NBEA: variants seen among roughly 807,000 people sequenced by gnomAD.
The protein encoded by NBEA is lysosomal-trafficking regulator 2.
Under a neutral mutation model 343.4 loss-of-function variants are expected in NBEA, and 44 were observed. The observed-to-expected ratio is 0.13, with a 90% CI of 0.10 to 0.16. The LOEUF is 0.16. Ranked by LOEUF, NBEA falls within the 10% of genes least tolerant of loss-of-function variation. The pLI, the probability that NBEA is intolerant of heterozygous loss-of-function variation, is 1.00. For missense variants in NBEA, 2,555 were observed against 3,631.3 expected, an observed-to-expected ratio of 0.70 and a Z score of 7.62; for synonymous variants, 1,175 against 1,238.7, an observed-to-expected ratio of 0.95 and a Z score of 1.08.
At chr13:35,410,543 T>C (rs566103498) in intron 38 of NBEA, among the ~76,000 whole-genome samples, 21 of 152,154 alleles carry the variant, frequency 1.4e-4, no homozygotes, top group African/African-American at 5.1e-4. Context: ...TTCAAAAGGT[T>C]CACAGAAAAA....
rs554482250 is a variant in NBEA, at chr13:35,155,785, A to G, written c.2457A>G (p.Glu819=). 2.5e-6 allele frequency: 4 copies of G among 1,608,272 alleles called. No individual in the cohort carries two copies. In the South Asian group the frequency reaches 3.3e-5, roughly 13 times the overall value. Residue 819 remains glutamate, a synonymous_variant, in exon 19 of 59, where the codon GAA becomes GAG. Coordinates refer to ENST00000379939, the MANE Select transcript of NBEA (RefSeq NM_001385012.1). The part of the protein sequence containing the change: ...TYNTLYEILT[E]QVCTQVVHKP... Reference sequence around the variant, plus strand: ...TCTTCATTTTTCAGATCTTGACAGAACAAGTATGTACTCAGGTCGTACACA... The same window carrying G: ...TCTTCATTTTTCAGATCTTGACAGAGCAAGTATGTACTCAGGTCGTACACA...
chr13:35,646,144 A>C (rs3818423), intron 50 of NBEA, 115 bp from the exon 51 acceptor site: 177,535 of 850,536 alleles, frequency 0.21, 19,618 homozygotes, highest in South Asian at 0.28. Flanking sequence ...CACCCGTTGA[A>C]TTTTCTGGAC....
chr13:35,595,998 G>A (rs1257216746), intron 47 of NBEA, among the ~76,000 whole-genome samples: 1 of 151,838 alleles, frequency 6.6e-6, no homozygotes, highest in Non-Finnish European at 1.5e-5. Flanking sequence ...TTACTGATTT[G>A]AAAAAGATCT....
chr13:35,256,690 G>T (rs1325903360), intron 34 of NBEA, among the ~76,000 whole-genome samples: 2 of 152,202 alleles, frequency 1.3e-5, no homozygotes, highest in Admixed American at 6.5e-5. Context: ...TCTGGAGGGG[G>T]CCAAGGTGAT....
At chr13:35,612,172 G>A (rs111345600) in intron 48 of NBEA, among the ~76,000 whole-genome samples, 10,409 of 149,772 alleles carry the variant, frequency 0.069, 413 homozygotes, top group African/African-American at 0.094. Flanking sequence ...TCGCTCTGTC[G>A]CCCAGGCTGG....
intron 1 of NBEA, among the ~76,000 whole-genome samples, chr13:34,982,015 A>G (rs939315540): frequency 1.3e-5 from 2 of 151,502 alleles, no homozygotes; most frequent in African/African-American, 4.9e-5. Context: ...AATATTATTA[A>G]TTTCAAAGAA....
At chr13:35,065,546 T>C (rs968638602) in intron 8 of NBEA, among the ~76,000 whole-genome samples, 6 of 152,098 alleles carry the variant, frequency 3.9e-5, no homozygotes, top group Non-Finnish European at 2.9e-5. Context: ...ATTTCTTCTA[T>C]TTCCTTGCTT....
At chr13:35,262,390 C>T (rs909455718) in intron 34 of NBEA, among the ~76,000 whole-genome samples, 2 of 152,160 alleles carry the variant, frequency 1.3e-5, no homozygotes, top group Admixed American at 6.6e-5. Context: ...ATGTTCACAT[C>T]AGTTATTGGT....
intron 38 of NBEA, among the ~76,000 whole-genome samples, chr13:35,391,630 A>G (rs1447769969): frequency 6.6e-6 from 1 of 152,136 alleles, no homozygotes; most frequent in Non-Finnish European, 1.5e-5. Context: ...TTTTAGGTAA[A>G]TAATCATTGT....
chr13:35,668,338 T>TTTG, intron 57 of NBEA, 30 bp from the exon 58 acceptor site: 1 of 1,542,208 alleles, frequency 6.5e-7, no homozygotes, highest in Non-Finnish European at 8.7e-7. Flanking sequence ...TTTTGTTTTT[T>TTTG]TTTGTTTGTT....
intron 38 of NBEA, among the ~76,000 whole-genome samples, chr13:35,391,101 C>T (rs985772114): frequency 7.2e-5 from 11 of 151,952 alleles, no homozygotes; most frequent in Non-Finnish European, 1.2e-4. Context: ...ATGGTGAAAC[C>T]CTGTCTCTAC....
chr13:35,450,607 G>A (rs1170507173), intron 39 of NBEA, among the ~76,000 whole-genome samples: 1 of 152,168 alleles, frequency 6.6e-6, no homozygotes, highest in Non-Finnish European at 1.5e-5. Context: ...CCAAAGGCAT[G>A]ACATCATTTG....
At chr13:35,469,415 A>G (rs1375263860) in intron 40 of NBEA, among the ~76,000 whole-genome samples, 1 of 152,170 alleles carries the variant, frequency 6.6e-6, no homozygotes, top group Non-Finnish European at 1.5e-5. Context: ...AATTAGATAA[A>G]TGGGAAGTAA....
chr13:35,235,922 G>A (rs780826995), intron 34 of NBEA, among the ~76,000 whole-genome samples: 10 of 151,942 alleles, frequency 6.6e-5, no homozygotes, highest in African/African-American at 1.5e-4. Flanking sequence ...ATACTGGAAC[G>A]GGTTAGATAT....
chr13:35,123,973 G>A (rs1211935754), intron 17 of NBEA, among the ~76,000 whole-genome samples: 1 of 152,006 alleles, frequency 6.6e-6, no homozygotes, highest in Non-Finnish European at 1.5e-5. Context: ...GTCAGTATTT[G>A]TTATTAGTTT....
rs1345928348 is a variant in NBEA at position 35,550,575 on chromosome 13, A to G, written c.6684A>G (p.Glu2228=). Residue 2228 remains glutamate, a synonymous_variant, in exon 42 of 59, where the codon GAA becomes GAG. Transcript: ENST00000379939. ...ACCTTCTACAAAACACTGCTTTGGA[A>G]GTATTTATGGCAAACCGAAGTAAGT... The part of the protein sequence containing the change: ...RRYLLQNTAL[E]VFMANRTSVM... The G allele has an allele frequency of 1.9e-6, 3 of 1,611,188 alleles. No homozygotes were observed. The highest frequency in any genetic ancestry group is 2.5e-6 in the Non-Finnish European group (3 of 1,177,588).
In NBEA at chr13:35,161,602, A is replaced by G. The variant is rs928755199; in HGVS notation, c.3862-148A>G. 6 of 712,184 alleles carry G rather than the reference A, an allele frequency of 8.4e-6. No individual in the cohort carries two copies. The East Asian group carries it at 1.4e-4, about 17-fold the overall frequency. 44.1% of individuals were successfully genotyped at this position (712,184 alleles called of 1,614,324 possible). A position where few individuals can be genotyped will look rare whatever the true frequency, so the allele number is the denominator to read the frequency against. Reference sequence around the variant, plus strand: ...AAAGTTTCCTGTGCAAGGAATTACCAGGTGAATAATATATGTGAAATATAT... The same window carrying G: ...AAAGTTTCCTGTGCAAGGAATTACCGGGTGAATAATATATGTGAAATATAT... On this transcript the variant is annotated intron_variant, in intron 22 of 58. Transcript: ENST00000379939.
At chr13:35,553,093 TG>T (rs1424537889) in intron 43 of NBEA, among the ~76,000 whole-genome samples, 23 of 151,982 alleles carry the variant, frequency 1.5e-4, no homozygotes, top group Admixed American at 1.5e-3. Flanking sequence ...GGTTTCACCA[TG>T]TTGCCCAGGC....
At chr13:35,131,698 A>G (rs2067438720) in intron 17 of NBEA, among the ~76,000 whole-genome samples, 1 of 152,160 alleles carries the variant, frequency 6.6e-6, no homozygotes, top group South Asian at 2.1e-4. Flanking sequence ...CATTTATGAA[A>G]CACTCCACTT....
Sources: gnomAD v4.1 joint callset for allele counts (sites outside exome capture counted in the v4.1 genomes callset) on GRCh38, gnomAD v4.1.1 for gene constraint, MANE v1.5 for transcripts, NCBI Gene and HGNC (gene_info 2026-07-23, HGNC 2026-07-21) for gene names.